Variants in EPAS1 observed in about 807,000 individuals in gnomAD.
EPAS1 encodes endothelial PAS domain-containing protein 1.
A neutral mutation model predicts 87.9 loss-of-function variants in EPAS1; 23 were observed. That is an observed-to-expected ratio of 0.26 (90% CI 0.19 to 0.37). The LOEUF (loss-of-function observed/expected upper bound fraction) is 0.37. Ranked by LOEUF, EPAS1 falls within the 10% of genes least tolerant of loss-of-function variation. The probability of loss-of-function intolerance (pLI) is 1.00; values close to 1 mark genes in which losing one functional copy is unlikely to be tolerated. For synonymous variants in EPAS1, 508 were observed against 444.3 expected, an observed-to-expected ratio of 1.14 and a Z score of -1.80; for missense variants, 1,138 against 1,120.7, an observed-to-expected ratio of 1.02 and a Z score of -0.22.
At chr2:46,351,666 A>T (rs1684147444) in intron 2 of EPAS1, among the ~76,000 whole-genome samples, 1 of 152,160 alleles carries the variant, frequency 6.6e-6, no homozygotes, top group Non-Finnish European at 1.5e-5. Context: ...CAAAGTGGTA[A>T]CTGCCAAGCA....
intron 11 of EPAS1, chr2:46,379,558 T>G (rs1684837817): frequency 6.2e-6 from 1 of 160,482 alleles, no homozygotes; most frequent in African/African-American, 2.4e-5. Context: ...AGTATTGCAG[T>G]CATTAGTCAG....
intron 6 of EPAS1, among the ~76,000 whole-genome samples, chr2:46,365,361 A>G (rs555201131): frequency 2.0e-5 from 3 of 152,250 alleles, no homozygotes; most frequent in African/African-American, 7.2e-5. Flanking sequence ...AACATAGGAC[A>G]TATTAATATC....
chr2:46,380,392 C>A lies in EPAS1; in HGVS notation c.1720C>A (p.Leu574Met). The A allele has an allele frequency of 6.2e-7, 1 of 1,614,212 alleles. No homozygotes were observed. Among genetic ancestry groups the A allele is most frequent in the Non-Finnish European group, 8.5e-7 (1 of 1,180,028 alleles). The change falls in exon 12 of 16, where the codon CTG (leucine) becomes ATG (methionine). Residue 574 changes from leucine (L) to methionine (M), a missense_variant. Around this residue, in one of 4 missense-constraint regions of EPAS1, gnomAD observed 502 missense variants for 427.1 expected, o/e 1.18. Coordinates refer to ENST00000263734, the MANE Select transcript of EPAS1 (RefSeq NM_001430.5). This position sits in a 1 kb window ranked among gnomAD's most constrained non-coding sequence, Gnocchi z 4.4. ...FSAMTNIFQP[L>M]APVAPHSPFL... Reference sequence around the variant, plus strand: ...TGCCATGACAAACATCTTCCAGCCACTGGCCCCTGTAGCCCCGCACAGTCC... The same window carrying A: ...TGCCATGACAAACATCTTCCAGCCAATGGCCCCTGTAGCCCCGCACAGTCC...
At chr2:46,377,530 C>T (rs965013319) in intron 9 of EPAS1, among the ~76,000 whole-genome samples, 6 of 152,338 alleles carry the variant, frequency 3.9e-5, no homozygotes, top group Admixed American at 1.3e-4. Context: ...GTAGGTCTCG[C>T]GGCTTGTTTT....
At chr2:46,358,186 A>G (rs574629252) in intron 4 of EPAS1, among the ~76,000 whole-genome samples, 22 of 152,326 alleles carry the variant, frequency 1.4e-4, no homozygotes, top group Non-Finnish European at 2.9e-4. Context: ...CTGAGTCTGC[A>G]GTCCACATTT....
At chr2:46,313,584 G>A (rs577285615) in intron 1 of EPAS1, among the ~76,000 whole-genome samples, 29 of 152,002 alleles carry the variant, frequency 1.9e-4, no homozygotes, top group African/African-American at 5.8e-4. Context: ...CCTGAGTAGC[G>A]GGGATTACAG....
At chr2:46,314,514 C>G (rs1048230354) in intron 1 of EPAS1, among the ~76,000 whole-genome samples, 1 of 152,214 alleles carries the variant, frequency 6.6e-6, no homozygotes, top group Non-Finnish European at 1.5e-5. Flanking sequence ...TGCTAGACAG[C>G]AAAGGCAAGT....
chr2:46,324,835 G>A (rs189221235), intron 1 of EPAS1, among the ~76,000 whole-genome samples: 1 of 152,348 alleles, frequency 6.6e-6, no homozygotes, highest in African/African-American at 2.4e-5. Flanking sequence ...GTCCAGAAGT[G>A]GTTGGTGTTT....
At chr2:46,378,166 G>A in intron 10 of EPAS1, 79 bp downstream of exon 10, 2 of 1,532,908 alleles carry the variant, frequency 1.3e-6, no homozygotes, top group South Asian at 1.2e-5. Context: ...AGGGACATTT[G>A]GGACAGGTAC....
At chr2:46,363,483 C>T (rs1385025078) in intron 6 of EPAS1, among the ~76,000 whole-genome samples, 7 of 152,096 alleles carry the variant, frequency 4.6e-5, no homozygotes, top group Admixed American at 4.6e-4. Context: ...TCAGCCTTAT[C>T]CTTTATTCAT....
chr2:46,382,130 G>C (rs375528375), intron 14 of EPAS1, 41 bp downstream of exon 14: 3 of 1,585,788 alleles, frequency 1.9e-6, no homozygotes, highest in South Asian at 1.1e-5. Context: ...GGGGGTTCTG[G>C]TGGAAGGACT....
At chr2:46,301,935 T>A (rs562058873) in intron 1 of EPAS1, among the ~76,000 whole-genome samples, 31 of 152,132 alleles carry the variant, frequency 2.0e-4, no homozygotes, top group African/African-American at 7.2e-4. Flanking sequence ...CTTATATAGG[T>A]AGACCTCATT....
Position 46,358,917 on chromosome 2 carries a change from T to C in EPAS1, c.455-1721T>C, listed in dbSNP as rs10192674. 4.7e-3 allele frequency among the ~76,000 whole-genome samples: 718 copies of C among 152,142 alleles called. 7 individuals carry two copies. Among genetic ancestry groups the C allele is most frequent in the African/African-American group, 0.016 (684 of 41,484 alleles). On this transcript the variant is annotated intron_variant, in intron 4 of 15. Transcript: ENST00000263734. ...TATTCCATAGACAATGGGGAGCTATTGAAGGTTTCTGTGCAGGGGTGGAGT... is the reference window on the plus strand; with the variant it reads ...TATTCCATAGACAATGGGGAGCTATCGAAGGTTTCTGTGCAGGGGTGGAGT...
Position 46,380,409 on chromosome 2 carries a change from G to A in EPAS1, c.1737G>A (p.Pro579=), listed in dbSNP as rs184760160. 2,858 of 1,614,094 alleles carry A rather than the reference G, an allele frequency of 1.8e-3. 42 individuals carry two copies. The Admixed American group carries it at 0.035, about 20-fold the overall frequency. The change falls in exon 12 of 16, where the codon CCG becomes CCA. Residue 579 remains proline (P), a synonymous_variant. Coordinates refer to ENST00000263734, the MANE Select transcript of EPAS1 (RefSeq NM_001430.5). This position sits in a 1 kb window ranked among gnomAD's most constrained non-coding sequence, Gnocchi z 4.4. The stretch of plus-strand genomic sequence containing the variant: ...TCCAGCCACTGGCCCCTGTAGCCCC[G>A]CACAGTCCCTTCCTCCTGGACAAGT... ...NIFQPLAPVA[P]HSPFLLDKFQ...
chr2:46,326,503 G>GACA (rs1280829094), intron 1 of EPAS1, among the ~76,000 whole-genome samples: 2 of 152,166 alleles, frequency 1.3e-5, no homozygotes, highest in Non-Finnish European at 2.9e-5. Context: ...GAGAGGCCTT[G>GACA]ACAAAGCATT....
At chr2:46,366,506 GCATCTCTCTCCT>G (rs2103647002) in intron 6 of EPAS1, among the ~76,000 whole-genome samples, 1 of 151,918 alleles carries the variant, frequency 6.6e-6, no homozygotes, top group South Asian at 2.1e-4. Flanking sequence ...CTATCTATCT[GCATCTCTCTCCT>G]CACTGCATCC....
chr2:46,363,330 G>A (rs946861246), intron 6 of EPAS1, among the ~76,000 whole-genome samples: 1 of 152,144 alleles, frequency 6.6e-6, no homozygotes, highest in African/African-American at 2.4e-5. Context: ...AAGCACATCC[G>A]TAACATAACT....
In EPAS1 at chr2:46,367,963, A is replaced by G. The variant is rs199901187; in HGVS notation, c.780-1864A>G. On this transcript the variant is annotated intron_variant, in intron 6 of 15. Coordinates refer to ENST00000263734, the MANE Select transcript of EPAS1 (RefSeq NM_001430.5). ...GAGACAGTTAATCATATTATTCTAG[A>G]AAAAAAAAGTAGATCCTTAGTGCCC... Among the ~76,000 whole-genome samples, 32 of 151,890 alleles carry G rather than the reference A, an allele frequency of 2.1e-4. No homozygotes were observed. In the East Asian group the frequency reaches 3.9e-3, roughly 18 times the overall value.
chr2:46,365,671 G>A (rs1354863213), intron 6 of EPAS1, among the ~76,000 whole-genome samples: 1 of 152,188 alleles, frequency 6.6e-6, no homozygotes, highest in Admixed American at 6.5e-5. Flanking sequence ...ATATAACCAT[G>A]TAGTATTTGA....
Sources: allele counts gnomAD v4.1 joint callset (sites outside exome capture counted in the v4.1 genomes callset), GRCh38; gene constraint gnomAD v4.1.1; regional missense constraint gnomAD v4.1.1; non-coding constraint Gnocchi (gnomAD v3.1); transcripts MANE v1.5; gene names NCBI Gene and HGNC (gene_info 2026-07-23, HGNC 2026-07-21).